CFAP58: variants seen among roughly 807,000 people sequenced by gnomAD.
The protein encoded by CFAP58 is cilia and flagella associated protein 58.
In CFAP58, 88 loss-of-function variants were observed where a neutral mutation model predicts 119.5. That is an observed-to-expected ratio of 0.74 (90% CI 0.62 to 0.88). CFAP58 has a LOEUF of 0.88. Among genes scored for constraint, CFAP58 ranks in the 40% least tolerant of loss-of-function variants. The pLI is 0.00. For synonymous variants in CFAP58, 365 were observed against 366.3 expected (o/e 1.00, Z 0.04); for missense variants, 990 against 1,021.2 (o/e 0.97, Z 0.42).
chr10:104,347,675 G>C, the CFAP58 span, among the ~76,000 whole-genome samples: 1 of 152,046 alleles, frequency 6.6e-6, no homozygotes, highest in Non-Finnish European at 1.5e-5. Flanking sequence ...GTTGATGCAG[G>C]CTTTAAAATT....
At chr10:104,402,910 G>A (rs745543989) in intron 13 of CFAP58, among the ~76,000 whole-genome samples, 4 of 152,154 alleles carry the variant, frequency 2.6e-5, no homozygotes, top group Admixed American at 1.3e-4. Flanking sequence ...GGGTAGAGAC[G>A]TATGCCCTAA....
chr10:104,358,253 T>TA, intron 1 of CFAP58, 88 bp from the exon 2 acceptor site: 1 of 1,367,910 alleles, frequency 7.3e-7, no homozygotes, highest in South Asian at 1.5e-5. Flanking sequence ...TATGGAGGTG[T>TA]TTCATTCAGA....
chr10:104,437,642 T>C (rs562192301), intron 15 of CFAP58, among the ~76,000 whole-genome samples: 1 of 152,260 alleles, frequency 6.6e-6, no homozygotes, highest in East Asian at 1.9e-4. Context: ...AAGGCAATGA[T>C]CTAAATTAGG....
intron 15 of CFAP58, among the ~76,000 whole-genome samples, chr10:104,408,557 C>CT (rs1178382522): frequency 6.6e-6 from 1 of 152,212 alleles, no homozygotes; most frequent in Admixed American, 6.5e-5. Context: ...CTCATGCTTT[C>CT]TACTTCCTTG....
In CFAP58 at chr10:104,407,784, C is replaced by T. The variant is rs187685295; in HGVS notation, c.2256+991C>T. 3.9e-3 allele frequency among the ~76,000 whole-genome samples: 594 copies of T among 152,246 alleles called. 5 individuals carry two copies. The highest frequency in any genetic ancestry group is 0.014 in the African/African-American group (572 of 41,522). ...CCATCTCGGTTCACTGCAGCCTCTG[C>T]CTCCCAGGTTCAAGTGATTCTCCTG... On this transcript the variant is annotated intron_variant, in intron 15 of 17. Transcript: ENST00000369704.
At position 104,380,044 on chromosome 10, in the gene CFAP58, G is replaced by T; in HGVS notation, c.1189G>T (p.Val397Phe). The change falls in exon 9 of 18, where the codon GTC becomes TTC. Residue 397 changes from valine (V) to phenylalanine (F), a missense_variant. Transcript: ENST00000369704. ...TTATTTTTAGAACATGCTTAAGGCG[G>T]TCAATGCGACCCAGAAGCAGACAGA... ...DILNKNMLKA[V>F]NATQKQTDLV... is the part of the protein sequence containing the mutation. 1 of 1,613,902 alleles carries T rather than the reference G, an allele frequency of 6.2e-7. No homozygotes were observed. The highest frequency in any genetic ancestry group is 8.5e-7 in the Non-Finnish European group (1 of 1,179,896).
intron 6 of CFAP58, among the ~76,000 whole-genome samples, chr10:104,370,419 A>G (rs188530326): frequency 6.6e-6 from 1 of 152,320 alleles, no homozygotes; most frequent in East Asian, 1.9e-4. Flanking sequence ...GGAACAAATC[A>G]CATCTTATGT....
At chr10:104,447,918 A>C in intron 16 of CFAP58, 101 bp downstream of exon 16, 433 of 1,394,794 alleles carry the variant, frequency 3.1e-4, no homozygotes, top group Non-Finnish European at 3.8e-4. Context: ...CCAGTCTCTC[A>C]ATGCCACGAT....
At chr10:104,358,910 A>T (rs1230555046) in intron 2 of CFAP58, among the ~76,000 whole-genome samples, 1 of 152,248 alleles carries the variant, frequency 6.6e-6, no homozygotes, top group Non-Finnish European at 1.5e-5. Flanking sequence ...GAATCTCAAT[A>T]TATCTTATTT....
At chr10:104,353,960 C>T in intron 1 of CFAP58, 54 bp downstream of exon 1, 1 of 1,597,438 alleles carries the variant, frequency 6.3e-7, no homozygotes, top group Non-Finnish European at 8.6e-7. Context: ...CCCATTGTCC[C>T]TCTCCTACTG....
At chr10:104,361,949 A>T (rs1193585915) in intron 2 of CFAP58, 74 bp from the exon 3 acceptor site, 1 of 1,415,854 alleles carries the variant, frequency 7.1e-7, no homozygotes. Flanking sequence ...TCATGGTATT[A>T]TTCTGTTTGC....
chr10:104,346,412 A>G, the CFAP58 span, among the ~76,000 whole-genome samples: 1 of 151,890 alleles, frequency 6.6e-6, no homozygotes, highest in Non-Finnish European at 1.5e-5. Flanking sequence ...CAGTGACATA[A>G]TCATAGCTCA....
chr10:104,370,758 T>G, intron 6 of CFAP58, 137 bp from the exon 7 acceptor site: 1 of 683,716 alleles, frequency 1.5e-6, no homozygotes, highest in South Asian at 2.7e-5. Flanking sequence ...AAATTGTGTG[T>G]GCTTGATTTA....
At chr10:104,364,641 C>A in intron 3 of CFAP58, 92 bp from the exon 4 acceptor site, 1 of 1,136,068 alleles carries the variant, frequency 8.8e-7, no homozygotes. Context: ...ATTGACCTGA[C>A]ATCTTTCCCA....
At chr10:104,381,111 C>G (rs2011791515) in intron 9 of CFAP58, among the ~76,000 whole-genome samples, 1 of 152,150 alleles carries the variant, frequency 6.6e-6, no homozygotes, top group Non-Finnish European at 1.5e-5. Flanking sequence ...GGTTGCAGCA[C>G]TGCACTCCAG....
intron 15 of CFAP58, among the ~76,000 whole-genome samples, chr10:104,407,249 G>A (rs139391037): frequency 8.5e-5 from 13 of 152,206 alleles, no homozygotes; most frequent in African/African-American, 3.1e-4. Flanking sequence ...AAATTGTTCT[G>A]TAGCAATTAG....
At chr10:104,357,980 TATGTACAC>T (rs2014605680) in intron 1 of CFAP58, among the ~76,000 whole-genome samples, 1 of 143,402 alleles carries the variant, frequency 7.0e-6, no homozygotes, top group Non-Finnish European at 1.5e-5. Flanking sequence ...CATATGTACA[TATGTACAC>T]ATATATGTAC....
At chr10:104,439,436 C>T (rs1239059545) in intron 15 of CFAP58, among the ~76,000 whole-genome samples, 1 of 152,004 alleles carries the variant, frequency 6.6e-6, no homozygotes, top group Non-Finnish European at 1.5e-5. Flanking sequence ...GTTATTTGTT[C>T]TAATAAGTAG....
intron 15 of CFAP58, among the ~76,000 whole-genome samples, chr10:104,425,192 G>A (rs766413716): frequency 2.0e-4 from 31 of 152,110 alleles, no homozygotes; most frequent in Admixed American, 1.0e-3. Flanking sequence ...TGTAGAAAAG[G>A]CCCATGGAAG....
Sources: gnomAD v4.1 joint callset for allele counts (sites outside exome capture counted in the v4.1 genomes callset) on GRCh38, gnomAD v4.1.1 for gene constraint, MANE v1.5 for transcripts, NCBI Gene and HGNC (gene_info 2026-07-23, HGNC 2026-07-21) for gene names.